DMD: variants seen among roughly 807,000 people sequenced by gnomAD.
The protein encoded by DMD is dystrophin, also known as mutant dystrophin.
DMD carries 63 observed loss-of-function variants against 330.1 expected under a neutral mutation model. That is an observed-to-expected ratio of 0.19 (90% confidence interval 0.16 to 0.24). DMD has a LOEUF of 0.24. Ranked by LOEUF, DMD falls within the 10% of genes least tolerant of loss-of-function variation. The pLI is 1.00. For missense variants in DMD, 3,344 were observed against 2,684.1 expected, an observed-to-expected ratio of 1.25 and a Z score of -5.43; for synonymous variants, 1,223 against 959.8, an observed-to-expected ratio of 1.27 and a Z score of -5.07.
At chrX:31,904,794 T>A (rs2094459869) in intron 47 of DMD, among the ~76,000 whole-genome samples, 1 of 111,686 alleles carries the variant, frequency 9.0e-6, no homozygotes, top group Admixed American at 9.6e-5. Context: ...GCAAAGAATA[T>A]GGATAATCTA....
intron 49 of DMD, among the ~76,000 whole-genome samples, chrX:31,834,439 T>C (rs1208838619): frequency 9.0e-6 from 1 of 111,322 alleles, no homozygotes; most frequent in African/African-American, 3.3e-5. Context: ...CCCTATCAAC[T>C]TGATATATAT....
chrX:33,173,443 T>C (rs936421480), intron 1 of DMD, among the ~76,000 whole-genome samples: 29 of 111,703 alleles, frequency 2.6e-4, no homozygotes, highest in African/African-American at 9.1e-4. Flanking sequence ...CTTTACACTG[T>C]ATCGTACCCC....
At chrX:32,546,129 C>CA (rs1164942289) in intron 16 of DMD, among the ~76,000 whole-genome samples, 3 of 102,894 alleles carry the variant, frequency 2.9e-5, no homozygotes, top group Non-Finnish European at 3.9e-5. Flanking sequence ...TGAGCCAAGA[C>CA]ATGAGAGGCC....
chrX:33,033,378 A>G (rs913999263), intron 1 of DMD, among the ~76,000 whole-genome samples: 14 of 107,613 alleles, frequency 1.3e-4, no homozygotes, highest in African/African-American at 4.8e-4. Flanking sequence ...TTGATTGACT[A>G]ATCATTTAAT....
At chrX:32,554,310 TA>T (rs1279660938) in intron 16 of DMD, among the ~76,000 whole-genome samples, 2 of 110,400 alleles carry the variant, frequency 1.8e-5, no homozygotes, top group Non-Finnish European at 3.8e-5. Context: ...TCCAAAAAAC[TA>T]AATGAATCCA....
At chrX:32,493,594 T>C (rs1435510673) in intron 19 of DMD, among the ~76,000 whole-genome samples, 1 of 111,738 alleles carries the variant, frequency 8.9e-6, no homozygotes, top group East Asian at 2.8e-4. Context: ...AGCGATGCGA[T>C]TAAGTAACTG....
At chrX:32,852,999 A>G (rs755782780) in intron 2 of DMD, among the ~76,000 whole-genome samples, 18 of 112,075 alleles carry the variant, frequency 1.6e-4, no homozygotes, top group African/African-American at 5.5e-4. Flanking sequence ...TACATTCCAA[A>G]AAGCTTAACA....
At chrX:32,827,909 G>A (rs745456507) in intron 4 of DMD, among the ~76,000 whole-genome samples, 5 of 110,776 alleles carry the variant, frequency 4.5e-5, no homozygotes, top group Non-Finnish European at 9.4e-5. Flanking sequence ...GATCCCGCTC[G>A]CCTCGGCCTC....
intron 1 of DMD, among the ~76,000 whole-genome samples, chrX:33,025,921 T>C (rs1323067884): frequency 9.0e-6 from 1 of 111,656 alleles, no homozygotes; most frequent in East Asian, 2.8e-4. Context: ...TTGAAGATCT[T>C]CATCCCTAAT....
At chrX:31,700,182 T>C (rs1283993081) in intron 52 of DMD, among the ~76,000 whole-genome samples, 1 of 103,868 alleles carries the variant, frequency 9.6e-6, no homozygotes, top group African/African-American at 3.6e-5. Flanking sequence ...TGAGACTCTG[T>C]CTCAAAAAAA....
chrX:31,840,410 C>T (rs1393343197), intron 48 of DMD, among the ~76,000 whole-genome samples: 1 of 109,931 alleles, frequency 9.1e-6, no homozygotes, highest in Non-Finnish European at 1.9e-5. Flanking sequence ...ATGATAAATA[C>T]ACATATCAAC....
intron 44 of DMD, among the ~76,000 whole-genome samples, chrX:32,068,374 A>ATTTTTTTTTTTTTTTTT (rs749610367): frequency 4.7e-5 from 3 of 64,320 alleles, no homozygotes; most frequent in Non-Finnish European, 8.9e-5. Flanking sequence ...CTTGCTTGTC[A>ATTTTTTTTTTTTTTTTT]TTTTTTTTTT....
chrX:33,028,666 A>G (rs1569550460), intron 1 of DMD, among the ~76,000 whole-genome samples: 1 of 112,245 alleles, frequency 8.9e-6, no homozygotes, highest in Non-Finnish European at 1.9e-5. Context: ...GGGTTTTCAC[A>G]ATCACACTTA....
Position 32,870,256 on chromosome X carries a change from A to G in DMD, c.94-20436T>C, listed in dbSNP as rs772598113. ...CTAAGTGCACCACCTCTTCAAGGAG[A>G]GCTACAAACCACTGCTCAAGGAACT... On this transcript the variant is annotated intron_variant, in intron 2 of 78. Transcript: ENST00000357033. Among the ~76,000 whole-genome samples, 135 of 111,525 alleles carry G rather than the reference A, an allele frequency of 1.2e-3. 1 individual carries two copies. The highest frequency in any genetic ancestry group is 2.2e-3 in the Non-Finnish European group (119 of 53,078).
chrX:31,371,888 G>A (rs998988616), intron 60 of DMD, among the ~76,000 whole-genome samples: 5 of 112,327 alleles, frequency 4.5e-5, no homozygotes, highest in Admixed American at 9.4e-5. Context: ...TGACTACCTC[G>A]TTTCTCAACT....
At chrX:31,177,384 AT>A (rs772407668) in intron 71 of DMD, among the ~76,000 whole-genome samples, 2 of 111,601 alleles carry the variant, frequency 1.8e-5, no homozygotes, top group South Asian at 7.5e-4. Flanking sequence ...GTATATAATG[AT>A]TAGTCAAATA....
rs1309161490 is a variant in DMD, at chrX:31,120,985, C to T, written c.*934G>A. ...CAATACTTTACTTTACTTTCGTTGTCAGTGGAAAGTTGTTTAAAATGAGAA... is the reference window on the plus strand; with the variant it reads ...CAATACTTTACTTTACTTTCGTTGTTAGTGGAAAGTTGTTTAAAATGAGAA... On this transcript the variant is annotated 3_prime_UTR_variant, in exon 79 of 79. Transcript: ENST00000357033. 9.0e-6 allele frequency: 1 copy of T among 111,212 alleles called. No individual in the cohort carries two copies. The highest frequency in any genetic ancestry group is 2.8e-4 in the East Asian group (1 of 3,547). The allele number at this position is 111,212 out of a possible 1,213,427, so 9.2% of individuals were successfully genotyped here. A position where few individuals can be genotyped will look rare whatever the true frequency, so the allele number is the denominator to read the frequency against.
chrX:32,714,220 T>C lies in DMD; in HGVS notation c.650-14927A>G, dbSNP rs1275705718. On this transcript the variant is annotated intron_variant, in intron 7 of 78. Coordinates refer to ENST00000357033, the MANE Select transcript of DMD (RefSeq NM_004006.3). ...GGGGTACAAGTGCAATTTTGTTACA[T>C]GGATATGTTGTGTAGTGATCAAGTC... 3.6e-5 allele frequency among the ~76,000 whole-genome samples: 4 copies of C among 111,617 alleles called. No homozygotes were observed. The East Asian group carries it at 8.4e-4, about 24-fold the overall frequency.
At chrX:32,781,770 T>C (rs1569519934) in intron 7 of DMD, among the ~76,000 whole-genome samples, 1 of 111,237 alleles carries the variant, frequency 9.0e-6, no homozygotes, top group East Asian at 2.8e-4. Flanking sequence ...AGTAGCTTAC[T>C]TTACCTATCT....
Sources: allele counts gnomAD v4.1 joint callset (sites outside exome capture counted in the v4.1 genomes callset), GRCh38; gene constraint gnomAD v4.1.1; transcripts MANE v1.5; gene names NCBI Gene and HGNC (gene_info 2026-07-23, HGNC 2026-07-21).